CPT1A: variants seen among roughly 807,000 people sequenced by gnomAD.
CPT1A encodes carnitine O-palmitoyltransferase 1, liver isoform.
CPT1A carries 64 observed loss-of-function variants against 100.8 expected under a neutral mutation model. The observed-to-expected ratio is 0.63, with a 90% CI of 0.52 to 0.78. CPT1A has a LOEUF of 0.78. Among genes scored for constraint, CPT1A ranks in the 30% least tolerant of loss-of-function variants. CPT1A has a pLI of 0.00. For missense variants in CPT1A, 802 were observed against 1,034.1 expected, an observed-to-expected ratio of 0.78 and a Z score of 3.08; for synonymous variants, 363 against 396.0, an observed-to-expected ratio of 0.92 and a Z score of 0.99.
intron 1 of CPT1A, among the ~76,000 whole-genome samples, chr11:68,834,497 A>T (rs1401197278): frequency 6.6e-6 from 1 of 152,130 alleles, no homozygotes; most frequent in Non-Finnish European, 1.5e-5. Flanking sequence ...CATGCCTGTA[A>T]TCCCAATACT....
chr11:68,762,540 G>A (rs903279307), intron 15 of CPT1A, 87 bp downstream of exon 15: 16 of 1,540,840 alleles, frequency 1.0e-5, no homozygotes, highest in Non-Finnish European at 1.3e-5. Flanking sequence ...GGAATGATGA[G>A]ATCAGAGAAG....
intron 17 of CPT1A, 142 bp from the exon 18 acceptor site, chr11:68,759,803 G>A (rs1056864738): frequency 4.9e-5 from 35 of 718,666 alleles, no homozygotes; most frequent in African/African-American, 2.4e-4. Flanking sequence ...TGAGGCAGGC[G>A]GGTCACTTGA....
chr11:68,800,122 G>A (rs1377055533), intron 5 of CPT1A, among the ~76,000 whole-genome samples: 2 of 152,148 alleles, frequency 1.3e-5, no homozygotes, highest in Non-Finnish European at 2.9e-5. Context: ...GGGTGCTGGG[G>A]CTGGGCAGGT....
At chr11:68,784,772 T>C (rs999466159) in intron 10 of CPT1A, 43 bp downstream of exon 10, 7 of 1,585,928 alleles carry the variant, frequency 4.4e-6, no homozygotes, top group Non-Finnish European at 5.1e-6. Context: ...GAAGAGCGCC[T>C]CCACCACCCC....
At chr11:68,807,331 A>G (rs1856071777) in intron 4 of CPT1A, 136 bp downstream of exon 4, 1 of 881,816 alleles carries the variant, frequency 1.1e-6, no homozygotes, top group Admixed American at 2.0e-5. Context: ...CTCTCCAGCC[A>G]TTCAAGGTTG....
chr11:68,824,419 G>A (rs1440329489), intron 1 of CPT1A, among the ~76,000 whole-genome samples: 1 of 152,038 alleles, frequency 6.6e-6, no homozygotes, highest in Non-Finnish European at 1.5e-5. Context: ...AACCCCACCA[G>A]TATGCAAAAT....
At chr11:68,804,629 A>C (rs1242062321) in intron 4 of CPT1A, among the ~76,000 whole-genome samples, 1 of 152,220 alleles carries the variant, frequency 6.6e-6, no homozygotes, top group African/African-American at 2.4e-5. Flanking sequence ...AACCAGGTAG[A>C]ATCAAAGCCA....
chr11:68,836,875 GGAAT>G lies in CPT1A; in HGVS notation c.-14+4896_-14+4899del, dbSNP rs926546032. Among the ~76,000 whole-genome samples, 6 of 151,296 alleles carry G rather than the reference GGAAT, an allele frequency of 4.0e-5. No homozygotes were observed. In the South Asian group the frequency reaches 8.4e-4, roughly 21 times the overall value. On this transcript the variant is annotated intron_variant, in intron 1 of 18. Transcript: ENST00000265641. ...GGGAAGGAAGGAAGGAAGGAAGGAA[GGAAT>G]GAAGGAAATAAAGAAAAAGGAAAGC...
intron 5 of CPT1A, among the ~76,000 whole-genome samples, chr11:68,802,896 C>CAAAAAAAAAAAAAAAAAA (rs901808584): frequency 2.2e-5 from 1 of 44,968 alleles, no homozygotes; most frequent in Non-Finnish European, 5.1e-5. Context: ...GACCCTGTCT[C>CAAAAAAAAAAAAAAAAAA]AAAAAAAAAA....
intron 9 of CPT1A, among the ~76,000 whole-genome samples, chr11:68,791,625 C>T (rs1855615571): frequency 6.6e-6 from 1 of 152,138 alleles, no homozygotes; most frequent in Admixed American, 6.6e-5. Flanking sequence ...CAACCTCCAC[C>T]TCCCATGTTC....
At chr11:68,759,686 T>C in intron 17 of CPT1A, 25 bp from the exon 18 acceptor site, 5 of 1,541,892 alleles carry the variant, frequency 3.2e-6, no homozygotes, top group Non-Finnish European at 4.5e-6. Flanking sequence ...AATTTGAATT[T>C]GTTGCTGGGA....
chr11:68,815,080 C>T (rs1181228097), intron 2 of CPT1A, among the ~76,000 whole-genome samples: 3 of 152,104 alleles, frequency 2.0e-5, no homozygotes, highest in South Asian at 2.1e-4. Flanking sequence ...TTAAGTAGGT[C>T]GCTGGCCCTT....
chr11:68,823,645 C>A (rs550989602), intron 1 of CPT1A, among the ~76,000 whole-genome samples: 3 of 151,850 alleles, frequency 2.0e-5, no homozygotes, highest in Non-Finnish European at 4.4e-5. Context: ...CAAAATTAGC[C>A]GGGCATGGTG....
At chr11:68,767,884 G>A (rs1186884005) in intron 14 of CPT1A, among the ~76,000 whole-genome samples, 1 of 151,838 alleles carries the variant, frequency 6.6e-6, no homozygotes, top group East Asian at 1.9e-4. Flanking sequence ...TGGGAATTCC[G>A]TAACGTGGCC....
At position 68,811,655 on chromosome 11, in the gene CPT1A, G is replaced by A. The variant is rs1395093452; in HGVS notation, c.281+782C>T. 2.0e-5 allele frequency among the ~76,000 whole-genome samples: 3 copies of A among 152,186 alleles called. No individual in the cohort carries two copies. In the East Asian group the frequency reaches 5.8e-4, roughly 29 times the overall value. On this transcript the variant is annotated intron_variant, in intron 3 of 18. Coordinates refer to ENST00000265641, the MANE Select transcript of CPT1A (RefSeq NM_001876.4). ...GCTCCCTCTTCCTGTGACTTGGGCA[G>A]ACACCTGCACCTGTCTGAATGCTTT...
intron 14 of CPT1A, among the ~76,000 whole-genome samples, chr11:68,766,222 G>C (rs1037286458): frequency 1.3e-5 from 2 of 151,736 alleles, no homozygotes; most frequent in Non-Finnish European, 2.9e-5. Context: ...TATAACACAA[G>C]GTTATATTGT....
chr11:68,777,938 G>A (rs943368648), intron 12 of CPT1A, among the ~76,000 whole-genome samples: 8 of 152,148 alleles, frequency 5.3e-5, no homozygotes, highest in East Asian at 1.9e-4. Flanking sequence ...TCTTCAATGC[G>A]CTCTGTAGCT....
intron 15 of CPT1A, 76 bp from the exon 16 acceptor site, chr11:68,761,763 C>T (rs1854626349): frequency 5.9e-6 from 9 of 1,524,392 alleles, no homozygotes; most frequent in Admixed American, 3.3e-5. Flanking sequence ...TTAGCCACCG[C>T]ACCCGGCTAA....
chr11:68,829,771 G>C (rs899615387), intron 1 of CPT1A, among the ~76,000 whole-genome samples: 6 of 152,150 alleles, frequency 3.9e-5, no homozygotes, highest in African/African-American at 1.4e-4. Flanking sequence ...CCTCCTTGCT[G>C]TGTGCCCCTG....
Sources: gnomAD v4.1 joint callset for allele counts (sites outside exome capture counted in the v4.1 genomes callset) on GRCh38, gnomAD v4.1.1 for gene constraint, MANE v1.5 for transcripts, NCBI Gene and HGNC (gene_info 2026-07-23, HGNC 2026-07-21) for gene names.